TEX9: variants seen among roughly 807,000 people sequenced by gnomAD.
The protein encoded by TEX9 is testis-expressed protein 9.
A neutral mutation model predicts 59.6 loss-of-function variants in TEX9; 74 were observed. The observed-to-expected ratio is 1.24, with a 90% CI of 1.03 to 1.51. The LOEUF (loss-of-function observed/expected upper bound fraction) is 1.51, where lower values mean the gene tolerates loss of function less well. Among genes scored for constraint, TEX9 ranks in the 40% most tolerant of loss-of-function variants. TEX9 has a pLI of 0.00. For synonymous variants in TEX9, 186 were observed against 152.2 expected, an observed-to-expected ratio of 1.22 and a Z score of -1.64; for missense variants, 522 against 447.8, an observed-to-expected ratio of 1.17 and a Z score of -1.49.
At chr15:56,325,492 C>G (rs1430388205) in intron 1 of TEX9, among the ~76,000 whole-genome samples, 1 of 152,164 alleles carries the variant, frequency 6.6e-6, no homozygotes, top group African/African-American at 2.4e-5. Context: ...TACTTAACCT[C>G]TTACCCATTT....
chr15:56,321,465 G>A (rs180819048), intron 1 of TEX9, among the ~76,000 whole-genome samples: 23 of 152,270 alleles, frequency 1.5e-4, no homozygotes, highest in African/African-American at 4.3e-4. Context: ...CAGTTATTCA[G>A]TGCTTAAAAG....
intron 3 of TEX9, among the ~76,000 whole-genome samples, chr15:56,377,751 G>A (rs1392380430): frequency 3.3e-5 from 5 of 152,100 alleles, no homozygotes; most frequent in African/African-American, 9.7e-5. Context: ...GATTGCTCTA[G>A]TTAGGACATT....
chr15:56,377,943 T>C (rs1448276812), intron 3 of TEX9, among the ~76,000 whole-genome samples: 1 of 152,174 alleles, frequency 6.6e-6, no homozygotes, highest in Non-Finnish European at 1.5e-5. Context: ...TGTTGAACTT[T>C]ATCAAATGCT....
chr15:56,318,904 G>A (rs1251763579), intron 1 of TEX9, among the ~76,000 whole-genome samples: 1 of 151,956 alleles, frequency 6.6e-6, no homozygotes, highest in Non-Finnish European at 1.5e-5. Flanking sequence ...TTATGCAGTT[G>A]TTAAGAGACT....
At chr15:56,264,357 A>G (rs1481700245) in intron 1 of TEX9, among the ~76,000 whole-genome samples, 1 of 152,150 alleles carries the variant, frequency 6.6e-6, no homozygotes, top group African/African-American at 2.4e-5. Flanking sequence ...TTATGTCCCT[A>G]TATGTCATCC....
At chr15:56,347,412 G>C (rs2046492434) in intron 1 of TEX9, among the ~76,000 whole-genome samples, 1 of 152,014 alleles carries the variant, frequency 6.6e-6, no homozygotes, top group Non-Finnish European at 1.5e-5. Flanking sequence ...AGAGAACCCA[G>C]AAAGGGAGCC....
chr15:56,293,171 C>T (rs1198827071), intron 1 of TEX9, among the ~76,000 whole-genome samples: 1 of 151,002 alleles, frequency 6.6e-6, no homozygotes, highest in East Asian at 1.9e-4. Flanking sequence ...CCCATCTCTA[C>T]AATATGAAAA....
chr15:56,380,519 TCTG>T (rs1225035929), intron 3 of TEX9, among the ~76,000 whole-genome samples: 1 of 152,200 alleles, frequency 6.6e-6, no homozygotes, highest in Non-Finnish European at 1.5e-5. Context: ...TTTTGTACCT[TCTG>T]ATGATTTCTT....
intron 1 of TEX9, among the ~76,000 whole-genome samples, chr15:56,264,498 G>A (rs148011346): frequency 2.6e-4 from 39 of 152,240 alleles, no homozygotes; most frequent in African/African-American, 9.4e-4. Context: ...AATGATAAGA[G>A]TTTTTCAGAT....
At chr15:56,382,512 C>T (rs2047776820) in intron 3 of TEX9, among the ~76,000 whole-genome samples, 1 of 152,194 alleles carries the variant, frequency 6.6e-6, no homozygotes, top group Non-Finnish European at 1.5e-5. Flanking sequence ...GGCCCATGGC[C>T]TGCTATTAAT....
chr15:56,388,475 T>G, exon 5 of TEX9: 1 of 1,610,858 alleles, frequency 6.2e-7, no homozygotes, highest in Non-Finnish European at 8.5e-7. Context: ...CCTGTAGAGG[T>G]CTGTTACCAT....
At chr15:56,424,819 T>A (rs1246068410) in intron 10 of TEX9, among the ~76,000 whole-genome samples, 2 of 152,160 alleles carry the variant, frequency 1.3e-5, no homozygotes, top group African/African-American at 4.8e-5. Context: ...GCCTTTATAT[T>A]TGTCCAAATA....
At chr15:56,418,619 C>A (rs2049817966) in intron 10 of TEX9, among the ~76,000 whole-genome samples, 1 of 151,466 alleles carries the variant, frequency 6.6e-6, no homozygotes, top group African/African-American at 2.4e-5. Context: ...CCACTGCACT[C>A]CAGCCTGGGT....
At chr15:56,313,180 A>C (rs1431423279) in intron 1 of TEX9, among the ~76,000 whole-genome samples, 8 of 150,600 alleles carry the variant, frequency 5.3e-5, no homozygotes, top group Non-Finnish European at 7.4e-5. Context: ...TTCCAACACT[A>C]TGTTGAATAG....
chr15:56,439,692 G>C lies in TEX9; in HGVS notation c.*30-5979G>C, dbSNP rs760901810. Among the ~76,000 whole-genome samples the C allele has an allele frequency of 8.0e-5, 12 of 150,874 alleles. No homozygotes were observed. The South Asian group carries it at 1.3e-3, about 16-fold the overall frequency. ...GCAAAAACTGTATTTAAGTCTCATC[G>C]TTTGTACCAAAAATTAACTCAAAAC... On this transcript the variant is annotated intron_variant, in intron 12 of 12. Coordinates refer to ENST00000352903, the Ensembl canonical transcript of TEX9.
chr15:56,367,644 T>G (rs1313431290), intron 2 of TEX9, among the ~76,000 whole-genome samples: 3 of 152,202 alleles, frequency 2.0e-5, no homozygotes, highest in African/African-American at 7.2e-5. Context: ...ACAGATTAAT[T>G]TGTAGAGAAC....
chr15:56,396,808 C>T lies in TEX9; in HGVS notation c.828+1974C>T, dbSNP rs564414221. 11 of 152,316 alleles carry T rather than the reference C, an allele frequency of 7.2e-5. No homozygotes were observed. The East Asian group carries it at 1.5e-3, about 21-fold the overall frequency. The allele number at this position is 152,316 out of a possible 1,614,324, so 9.4% of individuals were successfully genotyped here. On this transcript the variant is annotated intron_variant, in intron 9 of 12. Coordinates refer to ENST00000352903, the Ensembl canonical transcript of TEX9. ...CTTTCTTGTCTGCTGCTATGTGAGA[C>T]ATGCCTTTTACTTTCCAACATGATT...
chr15:56,354,105 C>A (rs1423071113), intron 1 of TEX9, among the ~76,000 whole-genome samples: 1 of 152,108 alleles, frequency 6.6e-6, no homozygotes, highest in African/African-American at 2.4e-5. Flanking sequence ...TTAGTAGAAT[C>A]CTTCCTGGCT....
At chr15:56,417,936 CCTTT>C (rs1210775934) in intron 10 of TEX9, among the ~76,000 whole-genome samples, 6 of 151,764 alleles carry the variant, frequency 4.0e-5, no homozygotes, top group South Asian at 2.1e-4. Context: ...TTCTGTAATG[CCTTT>C]CTTTGTCTTT....
Sources: gnomAD v4.1 joint callset for allele counts (sites outside exome capture counted in the v4.1 genomes callset) on GRCh38, gnomAD v4.1.1 for gene constraint, MANE v1.5 for transcripts, NCBI Gene and HGNC (gene_info 2026-07-23, HGNC 2026-07-21) for gene names.